Variants in ADAMTSL3 observed in about 807,000 individuals in gnomAD.
ADAMTSL3 encodes the protein ADAMTS like 3, also known as ADAMTS-like protein 3.
Under a neutral mutation model 201.7 loss-of-function variants are expected in ADAMTSL3, and 128 were observed. The observed-to-expected ratio is 0.63, with a 90% CI of 0.55 to 0.73. The LOEUF (loss-of-function observed/expected upper bound fraction) is 0.73. Among genes scored for constraint, ADAMTSL3 ranks in the 30% least tolerant of loss-of-function variants. The probability of loss-of-function intolerance (pLI) is 0.00; values close to 1 mark genes in which losing one functional copy is unlikely to be tolerated. For missense variants in ADAMTSL3, 1,990 were observed against 2,119.6 expected, an observed-to-expected ratio of 0.94 and a Z score of 1.20; for synonymous variants, 738 against 748.4, an observed-to-expected ratio of 0.99 and a Z score of 0.23.
intron 4 of ADAMTSL3, among the ~76,000 whole-genome samples, chr15:83,777,477 A>C (rs1164437844): frequency 6.6e-6 from 1 of 152,176 alleles, no homozygotes; most frequent in Non-Finnish European, 1.5e-5. Context: ...CAGAATTAGA[A>C]CATCCAGTCC....
chr15:83,929,411 T>C (rs2066308914), intron 17 of ADAMTSL3, among the ~76,000 whole-genome samples: 1 of 152,172 alleles, frequency 6.6e-6, no homozygotes, highest in Admixed American at 6.5e-5. Context: ...GCATTGTCCC[T>C]GTGATTTCAT....
At chr15:83,657,085 T>C (rs1443080931) in intron 2 of ADAMTSL3, among the ~76,000 whole-genome samples, 1 of 152,192 alleles carries the variant, frequency 6.6e-6, no homozygotes, top group African/African-American at 2.4e-5. Flanking sequence ...ATGTTAGGGT[T>C]CTCTGGCCAG....
At chr15:83,881,222 T>A (rs2065264284) in intron 9 of ADAMTSL3, among the ~76,000 whole-genome samples, 1 of 152,236 alleles carries the variant, frequency 6.6e-6, no homozygotes, top group Non-Finnish European at 1.5e-5. Flanking sequence ...CAGGGCTTTA[T>A]TCCCTTTGAA....
At chr15:83,683,141 G>A (rs2061496115) in intron 2 of ADAMTSL3, among the ~76,000 whole-genome samples, 1 of 152,226 alleles carries the variant, frequency 6.6e-6, no homozygotes, top group Admixed American at 6.5e-5. Flanking sequence ...TGGGGAGAAT[G>A]AAAGATGGTT....
chr15:83,807,168 A>G (rs1208914805), intron 5 of ADAMTSL3, among the ~76,000 whole-genome samples: 1 of 152,194 alleles, frequency 6.6e-6, no homozygotes, highest in Non-Finnish European at 1.5e-5. Flanking sequence ...ATTATAAAGC[A>G]TTAATGGCCG....
chr15:83,865,164 G>A (rs575386657), intron 8 of ADAMTSL3, among the ~76,000 whole-genome samples: 8 of 152,224 alleles, frequency 5.3e-5, no homozygotes, highest in Middle Eastern at 3.4e-3. Context: ...GGAAGAATCA[G>A]TATCGTGAAA....
At chr15:83,945,110 C>G (rs1254932138) in intron 19 of ADAMTSL3, among the ~76,000 whole-genome samples, 1 of 152,134 alleles carries the variant, frequency 6.6e-6, no homozygotes, top group Non-Finnish European at 1.5e-5. Flanking sequence ...AGAAGAGGCC[C>G]AAGGAAAGAG....
At chr15:83,791,785 A>T (rs1415659821) in intron 4 of ADAMTSL3, among the ~76,000 whole-genome samples, 1 of 151,776 alleles carries the variant, frequency 6.6e-6, no homozygotes, top group East Asian at 1.9e-4. Flanking sequence ...GCGTGAACCC[A>T]GGAGGCTGAG....
chr15:83,730,989 T>C (rs2062257818), intron 3 of ADAMTSL3, among the ~76,000 whole-genome samples: 1 of 152,136 alleles, frequency 6.6e-6, no homozygotes, highest in African/African-American at 2.4e-5. Flanking sequence ...TTCTTTCAAA[T>C]ATGGCTTTTC....
In ADAMTSL3 at chr15:83,936,335, C is replaced by A. The variant is rs555874490; in HGVS notation, c.2118-6261C>A. ...AAATAAAATATAACAGAGGGGAAAA[C>A]AGAATAAAAACTATAACAAGCAAAA... On this transcript the variant is annotated intron_variant, in intron 17 of 29. Transcript: ENST00000286744. 2.0e-5 allele frequency among the ~76,000 whole-genome samples: 3 copies of A among 150,404 alleles called. No homozygotes were observed. The East Asian group carries it at 5.8e-4, about 29-fold the overall frequency.
intron 23 of ADAMTSL3, among the ~76,000 whole-genome samples, chr15:84,007,409 G>T (rs1362715390): frequency 1.3e-5 from 2 of 152,176 alleles, no homozygotes; most frequent in Non-Finnish European, 2.9e-5. Context: ...CCACCCCTTA[G>T]CCAGGCACAA....
intron 24 of ADAMTSL3, 106 bp from the exon 25 acceptor site, chr15:84,016,277 A>G: frequency 1.3e-6 from 1 of 799,774 alleles, no homozygotes; most frequent in Non-Finnish European, 2.1e-6. Flanking sequence ...GCACAGTATT[A>G]TTATAGAGGA....
At chr15:83,844,646 T>A (rs1213700662) in intron 7 of ADAMTSL3, among the ~76,000 whole-genome samples, 3 of 152,154 alleles carry the variant, frequency 2.0e-5, no homozygotes, top group Non-Finnish European at 4.4e-5. Flanking sequence ...CTCCATTTAA[T>A]TCAGCAAGGG....
chr15:83,823,975 C>CTT (rs1567170072), intron 6 of ADAMTSL3, among the ~76,000 whole-genome samples: 41 of 78,940 alleles, frequency 5.2e-4, no homozygotes, highest in Admixed American at 1.4e-3. Flanking sequence ...TTCTTCTTCT[C>CTT]CTCCTCCTCC....
At chr15:83,769,763 G>C (rs28696207) in intron 3 of ADAMTSL3, among the ~76,000 whole-genome samples, 63,080 of 151,052 alleles carry the variant, frequency 0.42, 14,304 homozygotes, top group South Asian at 0.63. Flanking sequence ...CTTTCCACAG[G>C]TCCCTCTTTT....
chr15:83,949,076 C>G (rs2142055923), intron 19 of ADAMTSL3, among the ~76,000 whole-genome samples: 1 of 152,144 alleles, frequency 6.6e-6, no homozygotes, highest in South Asian at 2.1e-4. Flanking sequence ...TATAGTCTCC[C>G]TGTTGTGCTA....
chr15:83,959,341 A>G (rs1447758622), intron 19 of ADAMTSL3, among the ~76,000 whole-genome samples: 1 of 152,250 alleles, frequency 6.6e-6, no homozygotes, highest in Non-Finnish European at 1.5e-5. Context: ...AGGCAGGAGA[A>G]TCACTTGAAC....
intron 17 of ADAMTSL3, among the ~76,000 whole-genome samples, chr15:83,927,412 C>T (rs1478452109): frequency 6.6e-6 from 1 of 152,126 alleles, no homozygotes; most frequent in Admixed American, 6.5e-5. Flanking sequence ...CCGCACCTGG[C>T]CCATGAATCC....
intron 3 of ADAMTSL3, among the ~76,000 whole-genome samples, chr15:83,757,315 A>G (rs1167310354): frequency 6.6e-6 from 1 of 152,220 alleles, no homozygotes; most frequent in African/African-American, 2.4e-5. Context: ...CCAAAGCTCA[A>G]TTCTTGACTT....
Sources: allele counts gnomAD v4.1 joint callset (sites outside exome capture counted in the v4.1 genomes callset), GRCh38; gene constraint gnomAD v4.1.1; transcripts MANE v1.5; gene names NCBI Gene and HGNC (gene_info 2026-07-23, HGNC 2026-07-21).